The following FLRT2 variants were observed in gnomAD, a reference collection of about 807,000 sequenced individuals.
FLRT2 encodes the protein leucine-rich repeat transmembrane protein FLRT2.
A neutral mutation model predicts 40.0 loss-of-function variants in FLRT2; 15 were observed. That is an observed-to-expected ratio of 0.38 (90% CI 0.25 to 0.58). The LOEUF (loss-of-function observed/expected upper bound fraction) is 0.58, where lower values mean the gene tolerates loss of function less well. Ranked by LOEUF, FLRT2 falls within the 20% of genes least tolerant of loss-of-function variation. The probability of loss-of-function intolerance (pLI) is 0.71; values close to 1 mark genes in which losing one functional copy is unlikely to be tolerated. For missense variants in FLRT2, 726 were observed against 840.0 expected, an observed-to-expected ratio of 0.86 and a Z score of 1.68; for synonymous variants, 380 against 336.8, an observed-to-expected ratio of 1.13 and a Z score of -1.41.
At chr14:85,574,858 A>G (rs1220428152) in intron 1 of FLRT2, among the ~76,000 whole-genome samples, 2 of 152,210 alleles carry the variant, frequency 1.3e-5, no homozygotes, top group Non-Finnish European at 2.9e-5. Flanking sequence ...TTCAAATAGA[A>G]TATTTCTTAC....
chr14:85,582,427 GTGTT>G (rs1263825736), intron 1 of FLRT2, among the ~76,000 whole-genome samples: 4 of 152,138 alleles, frequency 2.6e-5, no homozygotes, highest in Admixed American at 6.5e-5. Flanking sequence ...TTTGTACTTA[GTGTT>G]TGTTTGAGGC....
intron 1 of FLRT2, among the ~76,000 whole-genome samples, chr14:85,570,730 C>A (rs969225289): frequency 6.6e-6 from 1 of 151,586 alleles, no homozygotes; most frequent in Non-Finnish European, 1.5e-5. Flanking sequence ...TCCAGGCACC[C>A]GCCACCATGC....
intron 1 of FLRT2, among the ~76,000 whole-genome samples, chr14:85,581,372 C>T (rs1247473980): frequency 6.6e-6 from 1 of 152,184 alleles, no homozygotes; most frequent in East Asian, 1.9e-4. Flanking sequence ...CACTTACCCC[C>T]AGAGAAGACT....
intron 1 of FLRT2, among the ~76,000 whole-genome samples, chr14:85,585,569 A>T (rs1258640032): frequency 2.0e-5 from 3 of 152,166 alleles, no homozygotes; most frequent in Admixed American, 6.5e-5. Context: ...ATCTCAGCAC[A>T]CAGAAAGAAT....
chr14:85,620,690 G>T (rs1480913632), intron 1 of FLRT2, among the ~76,000 whole-genome samples: 2 of 152,072 alleles, frequency 1.3e-5, no homozygotes, highest in African/African-American at 2.4e-5. Flanking sequence ...ATATAACTCT[G>T]CAGGGCTTCA....
At chr14:85,568,622 C>G (rs1222635871) in intron 1 of FLRT2, among the ~76,000 whole-genome samples, 4 of 151,928 alleles carry the variant, frequency 2.6e-5, no homozygotes, top group East Asian at 1.9e-4. Flanking sequence ...TGTTGTTGTT[C>G]TTTTTCTCTT....
Position 85,623,183 on chromosome 14 carries a change from G to A in FLRT2, c.1669G>A (p.Val557Ile). 1 of 1,557,026 alleles carries A rather than the reference G, an allele frequency of 6.4e-7. No individual in the cohort carries two copies. The highest frequency in any genetic ancestry group is 1.9e-5 in the Admixed American group (1 of 52,530). Residue 557 changes from valine to isoleucine, a missense_variant, in exon 2 of 2, where the codon GTC becomes ATC. Val to Ile is a conservative substitution (Grantham distance 29, BLOSUM62 3). This residue lies in a region of FLRT2 where 611 missense variants were observed against 690.0 expected (regional missense o/e 0.89). Transcript: ENST00000330753. ...IGGAVIFVLVVLLSVFCWHMH... is the reference protein window; with the variant it reads ...IGGAVIFVLVILLSVFCWHMH... Reference sequence around the variant, plus strand: ...GGGCGCGGTGATATTTGTGCTGGTGGTCTTGCTCAGCGTCTTTTGCTGGCA... The same window carrying A: ...GGGCGCGGTGATATTTGTGCTGGTGATCTTGCTCAGCGTCTTTTGCTGGCA...
chr14:85,639,632 G>GCTAAAA lies in FLRT2; in HGVS notation c.*16135_*16136insCTAAAA. 1 of 151,976 alleles carries GCTAAAA rather than the reference G, an allele frequency of 6.6e-6. No homozygotes were observed. Among genetic ancestry groups the GCTAAAA allele is most frequent in the African/African-American group, 2.4e-5 (1 of 41,388 alleles). The allele number at this position is 151,976 out of a possible 1,614,324, so 9.4% of individuals were successfully genotyped here. A position where few individuals can be genotyped will look rare whatever the true frequency, so the allele number is the denominator to read the frequency against. On this transcript the variant is annotated 3_prime_UTR_variant, in exon 2 of 2. Coordinates refer to ENST00000330753, the MANE Select transcript of FLRT2 (RefSeq NM_013231.6). ...GAGTTTGGCTAAAATTAGAGTGTGT[G>GCTAAAA]TTAGTAGAATTTATATTTATAGACT...
rs556949421 is a variant in FLRT2, at chr14:85,626,933, C to G, written c.*3436C>G. Reference sequence around the variant, plus strand: ...TTTCACACAAATCAGAACTTCCTTCCCCACCAGGGAGGACAACATCTTCAT... The same window carrying G: ...TTTCACACAAATCAGAACTTCCTTCGCCACCAGGGAGGACAACATCTTCAT... On this transcript the variant is annotated 3_prime_UTR_variant, in exon 2 of 2. Transcript: ENST00000330753. 2 of 167,148 alleles carry G rather than the reference C, an allele frequency of 1.2e-5. No individual in the cohort carries two copies. Among genetic ancestry groups the G allele is most frequent in the African/African-American group, 4.8e-5 (2 of 41,578 alleles). 10.4% of individuals were successfully genotyped at this position (167,148 alleles called of 1,614,324 possible). A position where few individuals can be genotyped will look rare whatever the true frequency, so the allele number is the denominator to read the frequency against.
intron 1 of FLRT2, among the ~76,000 whole-genome samples, chr14:85,584,112 G>A (rs961436844): frequency 2.0e-5 from 3 of 152,144 alleles, no homozygotes; most frequent in East Asian, 1.9e-4. Context: ...CAGTGAGTTT[G>A]CAGGCTCAGG....
intron 1 of FLRT2, 56 bp downstream of exon 1, chr14:85,530,590 A>T (rs1206720190): frequency 6.6e-6 from 1 of 151,628 alleles, no homozygotes; most frequent in African/African-American, 2.4e-5. Flanking sequence ...AGCTGCTGCT[A>T]CGCTGGCACC....
rs938966538 is a variant in FLRT2 at position 85,639,050 on chromosome 14, C to T, written c.*15553C>T. 6.6e-6 allele frequency: 1 copy of T among 152,162 alleles called. No homozygotes were observed. Among genetic ancestry groups the T allele is most frequent in the African/African-American group, 2.4e-5 (1 of 41,442 alleles). The allele number at this position is 152,162 out of a possible 1,614,324, so 9.4% of individuals were successfully genotyped here. A position where few individuals can be genotyped will look rare whatever the true frequency, so the allele number is the denominator to read the frequency against. On this transcript the variant is annotated 3_prime_UTR_variant, in exon 2 of 2. Coordinates refer to ENST00000330753, the MANE Select transcript of FLRT2 (RefSeq NM_013231.6). ...ACGATTAGTGCATTAGGATAAGTGT[C>T]GTCTCTTGTAGATAGATAAAAACTA...
Position 85,643,342 on chromosome 14 carries a change from T to TTCCTTCCTTC in FLRT2, c.*19845_*19846insTCCTTCCTTC, listed in dbSNP as rs879862266. On this transcript the variant is annotated 3_prime_UTR_variant, in exon 2 of 2. Transcript: ENST00000330753. The stretch of plus-strand genomic sequence containing the variant: ...TTCTTTCTTTCTTTCTTTCTTTCTT[T>TTCCTTCCTTC]CTTTCTTTCTTTCTTCCTTCCTTCC... 5.4e-4 allele frequency: 46 copies of TTCCTTCCTTC among 85,214 alleles called. No homozygotes were observed. Among genetic ancestry groups the TTCCTTCCTTC allele is most frequent in the African/African-American group, 1.8e-3 (41 of 22,400 alleles). The allele number at this position is 85,214 out of a possible 1,614,324, so 5.3% of individuals were successfully genotyped here. A position where few individuals can be genotyped will look rare whatever the true frequency, so the allele number is the denominator to read the frequency against.
In FLRT2 at chr14:85,648,485, G is replaced by A. The variant is rs1894360704; in HGVS notation, c.*24988G>A. On this transcript the variant is annotated 3_prime_UTR_variant, in exon 2 of 2. Coordinates refer to ENST00000330753, the MANE Select transcript of FLRT2 (RefSeq NM_013231.6). ...GATTAGCAAGTTTGCTAAGACATGAGTGTCAAGGGAAGTTGAGGTGGAGAT... is the reference window on the plus strand; with the variant it reads ...GATTAGCAAGTTTGCTAAGACATGAATGTCAAGGGAAGTTGAGGTGGAGAT... 1 of 152,184 alleles carries A rather than the reference G, an allele frequency of 6.6e-6. No individual in the cohort carries two copies. Among genetic ancestry groups the A allele is most frequent in the African/African-American group, 2.4e-5 (1 of 41,448 alleles). 9.4% of individuals were successfully genotyped at this position (152,184 alleles called of 1,614,324 possible). A position where few individuals can be genotyped will look rare whatever the true frequency, so the allele number is the denominator to read the frequency against.
intron 1 of FLRT2, among the ~76,000 whole-genome samples, chr14:85,616,284 T>C (rs941497525): frequency 2.1e-5 from 3 of 144,388 alleles, no homozygotes; most frequent in African/African-American, 7.7e-5. Context: ...ACATATTCAA[T>C]ACAGTATTCA....
chr14:85,581,548 G>A (rs1891386855), intron 1 of FLRT2, among the ~76,000 whole-genome samples: 2 of 152,228 alleles, frequency 1.3e-5, no homozygotes, highest in African/African-American at 2.4e-5. Context: ...GGCCTTCATA[G>A]CACAAGTAAA....
chr14:85,554,477 C>T (rs1053632030), intron 1 of FLRT2, among the ~76,000 whole-genome samples: 11 of 152,102 alleles, frequency 7.2e-5, no homozygotes, highest in African/African-American at 2.7e-4. Flanking sequence ...CTCTCAGATC[C>T]CCTTGGATCA....
intron 1 of FLRT2, among the ~76,000 whole-genome samples, chr14:85,558,418 G>C (rs907633147): frequency 1.3e-5 from 2 of 152,152 alleles, no homozygotes; most frequent in African/African-American, 4.8e-5. Flanking sequence ...GAATGGGCAG[G>C]TGTTCAGGTG....
chr14:85,549,726 C>CT (rs71120517), intron 1 of FLRT2, among the ~76,000 whole-genome samples: 67,001 of 151,656 alleles, frequency 0.44, 16,325 homozygotes, highest in Middle Eastern at 0.62. Context: ...ATCTGCCACA[C>CT]TTCAAGTACT....
Sources: gnomAD v4.1 joint callset for allele counts (sites outside exome capture counted in the v4.1 genomes callset) on GRCh38, gnomAD v4.1.1 for gene constraint, gnomAD v4.1.1 regional missense constraint, MANE v1.5 for transcripts, NCBI Gene and HGNC (gene_info 2026-07-23, HGNC 2026-07-21) for gene names.